RBFOX1: variants seen among roughly 807,000 people sequenced by gnomAD.
RBFOX1 encodes the protein RNA binding protein fox-1 homolog 1.
In RBFOX1, 8 loss-of-function variants were observed where a neutral mutation model predicts 57.7. The observed-to-expected ratio is 0.14, with a 90% CI of 0.08 to 0.25. The LOEUF (loss-of-function observed/expected upper bound fraction) is 0.25. Among genes scored for constraint, RBFOX1 ranks in the 10% least tolerant of loss-of-function variants. The probability of loss-of-function intolerance (pLI) is 1.00; values close to 1 mark genes in which losing one functional copy is unlikely to be tolerated. For synonymous variants in RBFOX1, 326 were observed against 222.4 expected, an observed-to-expected ratio of 1.47 and a Z score of -4.15; for missense variants, 611 against 548.5, an observed-to-expected ratio of 1.11 and a Z score of -1.14.
chr16:5,705,753 C>A (rs891373969), intron 3 of RBFOX1, among the ~76,000 whole-genome samples: 2 of 152,186 alleles, frequency 1.3e-5, no homozygotes, highest in Non-Finnish European at 2.9e-5. Flanking sequence ...TTAGGGATAA[C>A]AAGATCACTC....
chr16:6,873,301 C>G (rs1008816896), intron 3 of RBFOX1, among the ~76,000 whole-genome samples: 1 of 152,008 alleles, frequency 6.6e-6, no homozygotes, highest in Non-Finnish European at 1.5e-5. Context: ...CTTTTAACAC[C>G]TTGAGCTTCC....
chr16:5,244,843 G>T (rs1008548392), intron 1 of RBFOX1, among the ~76,000 whole-genome samples: 1 of 152,244 alleles, frequency 6.6e-6, no homozygotes, highest in African/African-American at 2.4e-5. Context: ...ACAGAGAGGG[G>T]CAGGGTACAC....
At chr16:6,130,423 A>G (rs2096621584) in intron 1 of RBFOX1, among the ~76,000 whole-genome samples, 1 of 152,170 alleles carries the variant, frequency 6.6e-6, no homozygotes, top group Non-Finnish European at 1.5e-5. Context: ...TGTATATGTA[A>G]TGCAAAAAGG....
chr16:5,292,726 C>T (rs567642804), intron 1 of RBFOX1, among the ~76,000 whole-genome samples: 31 of 152,154 alleles, frequency 2.0e-4, no homozygotes, highest in African/African-American at 5.3e-4. Flanking sequence ...CTGGTTCAAG[C>T]GATTCTCCTG....
chr16:7,264,934 C>T (rs558575760), intron 4 of RBFOX1, among the ~76,000 whole-genome samples: 2 of 152,322 alleles, frequency 1.3e-5, no homozygotes, highest in East Asian at 3.9e-4. Flanking sequence ...GGCCAAGAGT[C>T]CAACACTTTC....
chr16:5,955,342 AAAATAAAATAAATAAAAATAAAAT>A (rs2059611062), intron 4 of RBFOX1, among the ~76,000 whole-genome samples: 77 of 23,686 alleles, frequency 3.3e-3, no homozygotes, highest in Admixed American at 8.0e-3. Context: ...AAAATAAAAT[AAAATAAAATAAATAAAAATAAAAT>A]AAAATAAAAT....
At chr16:6,135,688 T>A (rs1420796477) in intron 1 of RBFOX1, among the ~76,000 whole-genome samples, 1 of 150,658 alleles carries the variant, frequency 6.6e-6, no homozygotes, top group Non-Finnish European at 1.5e-5. Context: ...CAATGACTAA[T>A]CATAAGGAAT....
chr16:7,023,119 A>G (rs2039801176), intron 3 of RBFOX1, among the ~76,000 whole-genome samples: 1 of 152,192 alleles, frequency 6.6e-6, no homozygotes, highest in Non-Finnish European at 1.5e-5. Flanking sequence ...GAGAGAGCTG[A>G]GTAAATTCAA....
intron 2 of RBFOX1, chr16:6,483,105 C>G (rs973988819): frequency 2.2e-5 from 22 of 1,015,962 alleles, no homozygotes; most frequent in Admixed American, 6.0e-5. Flanking sequence ...GCGGGACCCA[C>G]GCAGCCCCAG....
At chr16:7,348,693 G>C (rs917956214) in intron 4 of RBFOX1, among the ~76,000 whole-genome samples, 2 of 152,216 alleles carry the variant, frequency 1.3e-5, no homozygotes, top group African/African-American at 4.8e-5. Flanking sequence ...TAGAATCCCA[G>C]CACTTTGGGA....
intron 14 of RBFOX1, among the ~76,000 whole-genome samples, chr16:7,683,488 C>T (rs1378156685): frequency 1.3e-5 from 2 of 152,008 alleles, no homozygotes; most frequent in Admixed American, 6.6e-5. Flanking sequence ...AGAACCAATC[C>T]TGTAACAGTC....
chr16:6,838,395 A>G (rs1230445140), intron 3 of RBFOX1, among the ~76,000 whole-genome samples: 1 of 152,176 alleles, frequency 6.6e-6, no homozygotes, highest in East Asian at 1.9e-4. Flanking sequence ...TCCCTGGTGC[A>G]TATGTGCCAC....
rs1477789256 is a variant in RBFOX1 at position 7,556,113 on chromosome 16, C to G, written c.271-23664C>G. On this transcript the variant is annotated intron_variant, in intron 5 of 15. Coordinates refer to ENST00000550418, the MANE Select transcript of RBFOX1 (RefSeq NM_018723.4). ...GATAACCAAGGCATTGTGGTAAACACTCTAAATTTTCTAGATCTTGTGGCA... is the reference window on the plus strand; with the variant it reads ...GATAACCAAGGCATTGTGGTAAACAGTCTAAATTTTCTAGATCTTGTGGCA... 2.0e-5 allele frequency among the ~76,000 whole-genome samples: 3 copies of G among 152,188 alleles called. No individual in the cohort carries two copies. In the East Asian group the frequency reaches 5.8e-4, roughly 29 times the overall value.
chr16:6,449,066 G>T (rs1003226721), intron 2 of RBFOX1, among the ~76,000 whole-genome samples: 9 of 152,114 alleles, frequency 5.9e-5, no homozygotes, highest in Admixed American at 4.6e-4. Flanking sequence ...TTCTGCCATT[G>T]TAAGTATATG....
chr16:6,912,394 C>T (rs930481946), intron 3 of RBFOX1, among the ~76,000 whole-genome samples: 1 of 150,292 alleles, frequency 6.7e-6, no homozygotes, highest in Non-Finnish European at 1.5e-5. Flanking sequence ...GTACATTTTG[C>T]GAACCACGGG....
At chr16:6,745,457 T>A (rs568748050) in intron 3 of RBFOX1, among the ~76,000 whole-genome samples, 7 of 152,140 alleles carry the variant, frequency 4.6e-5, no homozygotes, top group Non-Finnish European at 8.8e-5. Flanking sequence ...ATATCAAGAA[T>A]GAGCAGATTT....
intron 4 of RBFOX1, among the ~76,000 whole-genome samples, chr16:5,953,727 A>AT (rs369925781): frequency 0.09 from 9,776 of 108,774 alleles, 372 homozygotes; most frequent in South Asian, 0.16. Flanking sequence ...TATATATATA[A>AT]AAAACACATT....
At chr16:6,509,601 G>A (rs1234123562) in intron 2 of RBFOX1, among the ~76,000 whole-genome samples, 2 of 152,096 alleles carry the variant, frequency 1.3e-5, no homozygotes, top group Non-Finnish European at 2.9e-5. Flanking sequence ...TAAAAAGAAC[G>A]AATAAGTCTT....
chr16:6,355,278 TC>T (rs1389502949), intron 2 of RBFOX1, among the ~76,000 whole-genome samples: 1 of 151,894 alleles, frequency 6.6e-6, no homozygotes, highest in Non-Finnish European at 1.5e-5. Context: ...ATGTTATCAC[TC>T]CCCCAGCCCC....
Sources: gnomAD v4.1 joint callset for allele counts (sites outside exome capture counted in the v4.1 genomes callset) on GRCh38, gnomAD v4.1.1 for gene constraint, MANE v1.5 for transcripts, NCBI Gene and HGNC (gene_info 2026-07-23, HGNC 2026-07-21) for gene names.